The following FBXO34 variants were observed in gnomAD, a reference collection of about 807,000 sequenced individuals.
The protein encoded by FBXO34 is F-box protein 34.
FBXO34 carries 12 observed loss-of-function variants against 24.5 expected under a neutral mutation model. The observed-to-expected ratio is 0.49, with a 90% CI of 0.31 to 0.79. The LOEUF is 0.79. Among genes scored for constraint, FBXO34 ranks in the 30% least tolerant of loss-of-function variants. FBXO34 has a pLI of 0.04. For synonymous variants in FBXO34, 320 were observed against 311.9 expected, an observed-to-expected ratio of 1.03 and a Z score of -0.27; for missense variants, 823 against 857.7, an observed-to-expected ratio of 0.96 and a Z score of 0.51.
chr14:55,386,012 ATCT>A, the FBXO34 span: 2 of 1,614,114 alleles, frequency 1.2e-6, no homozygotes, highest in Non-Finnish European at 1.7e-6. Context: ...ATGCCTCTGA[ATCT>A]TCTCCTTTTT....
chr14:55,414,991 G>C, the FBXO34 span, among the ~76,000 whole-genome samples: 1 of 152,204 alleles, frequency 6.6e-6, no homozygotes, highest in Non-Finnish European at 1.5e-5. Flanking sequence ...GTAAAGTCTT[G>C]TTTCAAGAAA....
the FBXO34 span, among the ~76,000 whole-genome samples, chr14:55,382,434 G>C: frequency 6.6e-6 from 1 of 152,088 alleles, no homozygotes; most frequent in East Asian, 1.9e-4. Flanking sequence ...TCCTGCCTCA[G>C]CCTCCTAAGT....
chr14:55,438,493 C>T, the FBXO34 span, among the ~76,000 whole-genome samples: 1 of 152,122 alleles, frequency 6.6e-6, no homozygotes, highest in African/African-American at 2.4e-5. Context: ...TCACCTGTCC[C>T]AGATGTAAAG....
chr14:55,420,689 A>G, the FBXO34 span, among the ~76,000 whole-genome samples: 5 of 152,068 alleles, frequency 3.3e-5, no homozygotes, highest in Non-Finnish European at 7.3e-5. Flanking sequence ...AGTGTACTGT[A>G]TAGTCTTCAG....
At chr14:55,390,896 A>G in the FBXO34 span, 4 of 1,538,440 alleles carry the variant, frequency 2.6e-6, no homozygotes, top group South Asian at 4.6e-5. Context: ...GGAAGGAAGG[A>G]CACGAATTAC....
the FBXO34 span, among the ~76,000 whole-genome samples, chr14:55,407,160 C>T: frequency 3.3e-5 from 5 of 152,146 alleles, no homozygotes; most frequent in Non-Finnish European, 5.9e-5. Flanking sequence ...GACAGAGTCT[C>T]GCTCTCTCGC....
chr14:55,296,382 G>GTT (rs1285557004), intron 1 of FBXO34, among the ~76,000 whole-genome samples: 2,073 of 95,322 alleles, frequency 0.022, 143 homozygotes, highest in Non-Finnish European at 0.03. Context: ...CTGTTCTTGT[G>GTT]TTTTTTTTGT....
intron 1 of FBXO34, 143 bp from the exon 2 acceptor site, chr14:55,350,238 C>T (rs1884301965): frequency 1.9e-6 from 1 of 526,830 alleles, no homozygotes; most frequent in East Asian, 3.2e-5. Context: ...TAAAAACTAT[C>T]ATGAGAGAGT....
At chr14:55,322,281 G>T (rs1436526797) in intron 1 of FBXO34, among the ~76,000 whole-genome samples, 1 of 145,486 alleles carries the variant, frequency 6.9e-6, no homozygotes, top group Non-Finnish European at 1.5e-5. Context: ...CTGCACTCCA[G>T]CCTGGGCAAC....
At chr14:55,315,128 A>G (rs548656296) in intron 1 of FBXO34, among the ~76,000 whole-genome samples, 3 of 152,354 alleles carry the variant, frequency 2.0e-5, no homozygotes, top group African/African-American at 7.2e-5. Flanking sequence ...TTGACACATT[A>G]AGACTGAAAG....
downstream of FBXO34, among the ~76,000 whole-genome samples, chr14:55,371,995 T>C (rs1420580079): frequency 6.6e-6 from 1 of 152,068 alleles, no homozygotes; most frequent in East Asian, 1.9e-4. Flanking sequence ...TTCTCAAGTT[T>C]CTCCTTGCAC....
chr14:55,440,041 A>G, the FBXO34 span, among the ~76,000 whole-genome samples: 53 of 151,934 alleles, frequency 3.5e-4, no homozygotes, highest in Non-Finnish European at 6.9e-4. Context: ...CGGAGGTTGC[A>G]GTGAGCTGAG....
chr14:55,396,815 G>T, the FBXO34 span, among the ~76,000 whole-genome samples: 1 of 151,982 alleles, frequency 6.6e-6, no homozygotes, highest in Non-Finnish European at 1.5e-5. Context: ...TTCATCAGGG[G>T]TGCCTGTTAA....
At chr14:55,313,347 C>T (rs969699259) in intron 1 of FBXO34, among the ~76,000 whole-genome samples, 2 of 152,166 alleles carry the variant, frequency 1.3e-5, no homozygotes, top group African/African-American at 4.8e-5. Flanking sequence ...GCATTTTGGT[C>T]AGAGCCATTC....
the FBXO34 span, chr14:55,440,467 T>C: frequency 6.2e-7 from 1 of 1,611,968 alleles, no homozygotes; most frequent in Non-Finnish European, 8.5e-7. Flanking sequence ...AATCCCACTG[T>C]TGGGGGTGGG....
At chr14:55,394,429 T>G in the FBXO34 span, among the ~76,000 whole-genome samples, 1 of 152,354 alleles carries the variant, frequency 6.6e-6, no homozygotes, top group East Asian at 1.9e-4. Context: ...TTAATTCTTT[T>G]TTAAAGTTAT....
chr14:55,428,195 G>C, the FBXO34 span, among the ~76,000 whole-genome samples: 1 of 137,604 alleles, frequency 7.3e-6, no homozygotes, highest in African/African-American at 2.7e-5. Flanking sequence ...AGTGGCGCGA[G>C]GTCGGCTCAC....
the FBXO34 span, among the ~76,000 whole-genome samples, chr14:55,419,584 T>C: frequency 2.0e-5 from 3 of 152,236 alleles, no homozygotes; most frequent in Non-Finnish European, 4.4e-5. Flanking sequence ...CTCAGGACCA[T>C]GACAGTAGAA....
intron 1 of FBXO34, among the ~76,000 whole-genome samples, chr14:55,294,453 A>C (rs368407645): frequency 4.6e-5 from 7 of 152,192 alleles, no homozygotes; most frequent in African/African-American, 1.7e-4. Flanking sequence ...GGGTTTTGCC[A>C]CATTGCCCAG....
Sources: gnomAD v4.1 joint callset for allele counts (sites outside exome capture counted in the v4.1 genomes callset) on GRCh38, gnomAD v4.1.1 for gene constraint, MANE v1.5 for transcripts, NCBI Gene and HGNC (gene_info 2026-07-23, HGNC 2026-07-21) for gene names.